NTNG1: variants seen among roughly 807,000 people sequenced by gnomAD.
NTNG1 encodes netrin G1.
Under a neutral mutation model 54.0 loss-of-function variants are expected in NTNG1, and 16 were observed. That is an observed-to-expected ratio of 0.30 (90% CI 0.20 to 0.45). The LOEUF (loss-of-function observed/expected upper bound fraction) is 0.45. Ranked by LOEUF, NTNG1 falls within the 20% of genes least tolerant of loss-of-function variation. The pLI, the probability that NTNG1 is intolerant of heterozygous loss-of-function variation, is 1.00. For synonymous variants in NTNG1, 255 were observed against 263.1 expected (o/e 0.97, Z 0.30); for missense variants, 530 against 678.7 (o/e 0.78, Z 2.43).
At chr1:107,260,776 A>G (rs1473770613) in intron 2 of NTNG1, 1 of 152,204 alleles carries the variant, frequency 6.6e-6, no homozygotes, top group Non-Finnish European at 1.5e-5. Context: ...CCAAGAAATC[A>G]GTCAGGTGAG....
Position 107,460,299 on chromosome 1 carries a change from G to C in NTNG1, c.1391-20312G>C, listed in dbSNP as rs78047373. 5.3e-4 allele frequency: 257 copies of C among 489,478 alleles called. 2 individuals are homozygous for C. The East Asian group carries it at 0.013, about 25-fold the overall frequency. The allele number at this position is 489,478 out of a possible 1,614,324, so 30.3% of individuals were successfully genotyped here. ...TGAGCGCACTCCCAGGTCTTTAGTA[G>C]CCTCATTTACCATGACATCGCTCCT... is the stretch of plus-strand genomic sequence containing the variant. On this transcript the variant is annotated intron_variant, in intron 7 of 7. Transcript: ENST00000370068.
chr1:107,429,180 T>C (rs1675097424), intron 5 of NTNG1, among the ~76,000 whole-genome samples: 1 of 152,094 alleles, frequency 6.6e-6, no homozygotes, highest in Non-Finnish European at 1.5e-5. Context: ...GGTCCCGAAG[T>C]TGCTGACACT....
At chr1:107,345,258 A>G (rs1340750381) in intron 3 of NTNG1, among the ~76,000 whole-genome samples, 1 of 152,208 alleles carries the variant, frequency 6.6e-6, no homozygotes, top group Non-Finnish European at 1.5e-5. Flanking sequence ...GCTTGATGAC[A>G]GAATTAGTTA....
rs139499702 is a variant in NTNG1, at chr1:107,167,325, G to T, written c.246+18486G>T. Among the ~76,000 whole-genome samples the T allele has an allele frequency of 1.8e-3, 278 of 151,182 alleles. 1 individual carries two copies. The highest frequency in any genetic ancestry group is 6.5e-3 in the African/African-American group (267 of 41,214). On this transcript the variant is annotated intron_variant, in intron 2 of 7. Transcript: ENST00000370068. ...ATCTATCTGTAATGACAGAACATCG[G>T]CATTACCTTTTCCACAGTTTATTAG...
At chr1:107,267,276 G>A (rs1484312816) in intron 2 of NTNG1, among the ~76,000 whole-genome samples, 1 of 152,160 alleles carries the variant, frequency 6.6e-6, no homozygotes, top group East Asian at 1.9e-4. Flanking sequence ...GTAATGAATA[G>A]TAGCAATGTT....
chr1:107,217,714 C>A (rs1379161696), intron 2 of NTNG1, among the ~76,000 whole-genome samples: 1 of 152,152 alleles, frequency 6.6e-6, no homozygotes, highest in African/African-American at 2.4e-5. Context: ...ACCTAACAAT[C>A]ATTCAGGAGC....
chr1:107,374,030 CT>C lies in NTNG1; in HGVS notation c.888-21123del, dbSNP rs1671082535. On this transcript the variant is annotated intron_variant, in intron 3 of 7. Coordinates refer to ENST00000370068, the MANE Select transcript of NTNG1 (RefSeq NM_001113226.3). ...GACTTCTATTTTGAAAGATATTTTA[CT>C]GGGTAGAGAGTCCTAGATTGACGTG... Among the ~76,000 whole-genome samples, 3 of 152,116 alleles carry C rather than the reference CT, an allele frequency of 2.0e-5. No individual in the cohort carries two copies. In the South Asian group the frequency reaches 6.2e-4, roughly 32 times the overall value.
At chr1:107,336,316 G>A (rs1668575448) in intron 3 of NTNG1, among the ~76,000 whole-genome samples, 1 of 151,248 alleles carries the variant, frequency 6.6e-6, no homozygotes, top group Admixed American at 6.6e-5. Context: ...TCACATGTAT[G>A]GTCAAATAAT....
chr1:107,352,511 A>G (rs1669682373), intron 3 of NTNG1, among the ~76,000 whole-genome samples: 1 of 152,206 alleles, frequency 6.6e-6, no homozygotes, highest in African/African-American at 2.4e-5. Flanking sequence ...CCCCTCTGTG[A>G]TAAGGCAAGT....
chr1:107,307,189 A>G (rs1289517513), intron 2 of NTNG1, among the ~76,000 whole-genome samples: 1 of 152,236 alleles, frequency 6.6e-6, no homozygotes, highest in East Asian at 1.9e-4. Flanking sequence ...GTTACACCAT[A>G]AATAGTAAAA....
At chr1:107,444,916 TTC>T (rs1676214378) in intron 7 of NTNG1, among the ~76,000 whole-genome samples, 1 of 152,120 alleles carries the variant, frequency 6.6e-6, no homozygotes, top group Admixed American at 6.6e-5. Context: ...CCTTGGGCCA[TTC>T]TTTACACACT....
intron 3 of NTNG1, among the ~76,000 whole-genome samples, chr1:107,387,004 G>A (rs1241696557): frequency 6.6e-6 from 1 of 152,156 alleles, no homozygotes; most frequent in Non-Finnish European, 1.5e-5. Flanking sequence ...GACAAATAAT[G>A]TTGAGCATTT....
intron 3 of NTNG1, among the ~76,000 whole-genome samples, chr1:107,325,464 T>G (rs1667900897): frequency 6.6e-6 from 1 of 152,160 alleles, no homozygotes; most frequent in South Asian, 2.1e-4. Context: ...TTTTGGATGT[T>G]ATTATATCAA....
At chr1:107,370,133 A>C (rs991372192) in intron 3 of NTNG1, among the ~76,000 whole-genome samples, 12 of 151,830 alleles carry the variant, frequency 7.9e-5, no homozygotes, top group Admixed American at 2.0e-4. Flanking sequence ...TAAGTCTTGA[A>C]ATCAGGTAGT....
chr1:107,250,635 A>C (rs1662534109), intron 2 of NTNG1, among the ~76,000 whole-genome samples: 1 of 152,202 alleles, frequency 6.6e-6, no homozygotes, highest in Admixed American at 6.5e-5. Flanking sequence ...AGAGAGGGAG[A>C]AGCTGAGCTG....
intron 3 of NTNG1, among the ~76,000 whole-genome samples, chr1:107,378,421 A>G (rs1378021725): frequency 1.3e-5 from 2 of 152,220 alleles, no homozygotes; most frequent in East Asian, 1.9e-4. Flanking sequence ...AATCAGGGTC[A>G]GACACTTCAA....
intron 2 of NTNG1, among the ~76,000 whole-genome samples, chr1:107,235,925 C>T (rs751347412): frequency 8.6e-5 from 13 of 152,046 alleles, no homozygotes; most frequent in South Asian, 6.2e-4. Context: ...AGAATGCTCC[C>T]CTCTCTCACA....
intron 2 of NTNG1, among the ~76,000 whole-genome samples, chr1:107,236,973 A>G (rs1661451293): frequency 6.6e-6 from 1 of 152,238 alleles, no homozygotes; most frequent in Non-Finnish European, 1.5e-5. Context: ...TGCTGAAAAG[A>G]TACCCCAAAT....
chr1:107,285,139 C>T (rs1031792796), intron 2 of NTNG1, among the ~76,000 whole-genome samples: 2 of 152,092 alleles, frequency 1.3e-5, no homozygotes, highest in African/African-American at 4.8e-5. Flanking sequence ...TCAGATACAA[C>T]TTTGCACAAC....
Sources: allele counts gnomAD v4.1 joint callset (sites outside exome capture counted in the v4.1 genomes callset), GRCh38; gene constraint gnomAD v4.1.1; transcripts MANE v1.5; gene names NCBI Gene and HGNC (gene_info 2026-07-23, HGNC 2026-07-21).